RNF157: variants seen among roughly 807,000 people sequenced by gnomAD.
RNF157 encodes ring finger protein 157, also known as E3 ubiquitin ligase RNF157.
RNF157 carries 55 observed loss-of-function variants against 88.3 expected under a neutral mutation model. The ratio of observed to expected loss-of-function variants is 0.62; its 90% CI spans 0.50 to 0.78. The LOEUF (loss-of-function observed/expected upper bound fraction) is 0.78, where lower values mean the gene tolerates loss of function less well. RNF157 is among the 30% of genes least tolerant of loss of function. The pLI, the probability that RNF157 is intolerant of heterozygous loss-of-function variation, is 0.00. For missense variants in RNF157, 788 were observed against 860.8 expected (o/e 0.92, Z 1.06); for synonymous variants, 334 against 341.2 (o/e 0.98, Z 0.23).
intron 18 of RNF157, among the ~76,000 whole-genome samples, chr17:76,145,962 T>C (rs1262054091): frequency 6.6e-6 from 1 of 152,148 alleles, no homozygotes; most frequent in African/African-American, 2.4e-5. Flanking sequence ...TACTAGCTGG[T>C]GCCATCAGCC....
chr17:76,152,993 C>G (rs2068704460), intron 17 of RNF157: 1 of 152,752 alleles, frequency 6.5e-6, no homozygotes, highest in Non-Finnish European at 1.5e-5. Flanking sequence ...TTATGATTTC[C>G]TTCTTTATGA....
chr17:76,161,714 C>G lies in RNF157; in HGVS notation c.953-67G>C, dbSNP rs2068847844. ...GATTAAGAATGAACAAGAGCCCAGA[C>G]AGAAACCATGATCCCTCCCAGCGCG... On this transcript the variant is annotated intron_variant, in intron 10 of 18. Coordinates refer to ENST00000269391, the MANE Select transcript of RNF157 (RefSeq NM_052916.3). This position sits in a 1 kb window ranked among gnomAD's most constrained non-coding sequence, Gnocchi z 4.6. 6.5e-6 allele frequency: 10 copies of G among 1,541,072 alleles called. No individual in the cohort carries two copies. Among genetic ancestry groups the G allele is most frequent in the Admixed American group, 1.8e-5 (1 of 56,302 alleles).
intron 1 of RNF157, among the ~76,000 whole-genome samples, chr17:76,236,447 A>G (rs2070283777): frequency 6.6e-6 from 1 of 152,176 alleles, no homozygotes; most frequent in Admixed American, 6.5e-5. Flanking sequence ...TAAACAAATG[A>G]TCTTGGGCTT....
At chr17:76,204,853 C>T (rs1180007060) in intron 2 of RNF157, among the ~76,000 whole-genome samples, 2 of 150,648 alleles carry the variant, frequency 1.3e-5, no homozygotes, top group African/African-American at 2.4e-5. Flanking sequence ...GGTGCGATCT[C>T]GGCTCACTGA....
At chr17:76,210,601 A>AAAAAAAAG (rs777083177) in intron 2 of RNF157, among the ~76,000 whole-genome samples, 19 of 148,506 alleles carry the variant, frequency 1.3e-4, no homozygotes, top group South Asian at 2.1e-4. Flanking sequence ...AAAAAAAAAA[A>AAAAAAAAG]AAAGAAAGAA....
At chr17:76,172,120 G>C (rs1274064603) in intron 3 of RNF157, among the ~76,000 whole-genome samples, 2 of 152,220 alleles carry the variant, frequency 1.3e-5, no homozygotes, top group Non-Finnish European at 2.9e-5. Context: ...CTGGGGTGGA[G>C]AGAAGCATAG....
chr17:76,147,229 G>A, intron 18 of RNF157: 2 of 984,596 alleles, frequency 2.0e-6, no homozygotes, highest in South Asian at 4.7e-5. Context: ...AAAATAAAAT[G>A]AGCTGTTTGT....
intron 1 of RNF157, among the ~76,000 whole-genome samples, chr17:76,237,731 T>C (rs1321439369): frequency 2.6e-5 from 4 of 152,164 alleles, no homozygotes; most frequent in Non-Finnish European, 4.4e-5. Context: ...GGCGGGAGGA[T>C]TGCTTGAGAC....
intron 2 of RNF157, among the ~76,000 whole-genome samples, chr17:76,177,509 G>A (rs931194887): frequency 3.3e-5 from 5 of 151,930 alleles, no homozygotes; most frequent in African/African-American, 1.2e-4. Flanking sequence ...GGGCACTGAT[G>A]AGCATGAGGG....
At chr17:76,164,882 G>C (rs1428231782) in intron 7 of RNF157, 87 bp from the exon 8 acceptor site, 1 of 912,692 alleles carries the variant, frequency 1.1e-6, no homozygotes, top group Admixed American at 2.1e-5. Context: ...AGTTACAGTC[G>C]CCCTCCCTGA....
At position 76,240,233 on chromosome 17, in the gene RNF157, GC is replaced by G; in HGVS notation, c.7del (p.Ala3ProfsTer2). 2 of 1,334,692 alleles carry G rather than the reference GC, an allele frequency of 1.5e-6. No individual in the cohort carries two copies. The highest frequency in any genetic ancestry group is 9.7e-7 in the Non-Finnish European group (1 of 1,028,260). The allele number at this position is 1,334,692 out of a possible 1,614,324, so 82.7% of individuals were successfully genotyped here. On this transcript the variant is annotated frameshift_variant, in exon 1 of 19. Transcript: ENST00000269391. LOFTEE classifies it high-confidence loss of function. The surrounding 1 kb of genome is among the most constrained non-coding windows in gnomAD (Gnocchi z 4.4). ...GCCCGCGTGCTGCCGGCTCGTCAGG[GC>G]CCCCATGGCCGCTGCGGCTGCAGCC... MG[A>X]LTSRQHAGVE...
At chr17:76,234,812 T>C (rs2070254006) in intron 1 of RNF157, among the ~76,000 whole-genome samples, 1 of 152,244 alleles carries the variant, frequency 6.6e-6, no homozygotes, top group Non-Finnish European at 1.5e-5. Flanking sequence ...CTGAGTTCTC[T>C]CTTTTAACTC....
intron 2 of RNF157, among the ~76,000 whole-genome samples, chr17:76,202,126 T>TCACACACA (rs1174829610): frequency 1.7e-4 from 24 of 137,790 alleles, no homozygotes; most frequent in African/African-American, 6.8e-4. Context: ...TCTCTCTCTC[T>TCACACACA]CTCACACACA....
At chr17:76,203,769 C>CTT (rs778913227) in intron 2 of RNF157, among the ~76,000 whole-genome samples, 6,552 of 104,802 alleles carry the variant, frequency 0.063, 375 homozygotes, top group African/African-American at 0.14. Context: ...AGTTTTGTTG[C>CTT]TTTTTTTTTT....
chr17:76,220,385 TAAAAA>T (rs34888046), intron 1 of RNF157, among the ~76,000 whole-genome samples: 2 of 128,726 alleles, frequency 1.6e-5, no homozygotes, highest in African/African-American at 2.7e-5. Flanking sequence ...TAATGATATC[TAAAAA>T]AAAAAAAAAA....
At chr17:76,174,209 C>T (rs528855469) in intron 2 of RNF157, among the ~76,000 whole-genome samples, 1 of 152,144 alleles carries the variant, frequency 6.6e-6, no homozygotes, top group African/African-American at 2.4e-5. Flanking sequence ...TGAGGCCATG[C>T]GGTATCCCAG....
chr17:76,188,521 C>A (rs1227220066), intron 2 of RNF157, among the ~76,000 whole-genome samples: 1 of 152,168 alleles, frequency 6.6e-6, no homozygotes, highest in Non-Finnish European at 1.5e-5. Context: ...CACAAGCTTT[C>A]TGAGACTAAA....
At chr17:76,177,981 G>A (rs138279435) in intron 2 of RNF157, among the ~76,000 whole-genome samples, 351 of 152,280 alleles carry the variant, frequency 2.3e-3, no homozygotes, top group African/African-American at 7.3e-3. Context: ...TACCCACTGC[G>A]GGTATCCTCT....
intron 2 of RNF157, chr17:76,211,803 C>A (rs12601803): frequency 6.6e-6 from 1 of 152,062 alleles, no homozygotes; most frequent in Admixed American, 6.6e-5. Flanking sequence ...AGAGAAGGTG[C>A]GCAATAGAAA....
Sources: gnomAD v4.1 joint callset for allele counts (sites outside exome capture counted in the v4.1 genomes callset) on GRCh38, gnomAD v4.1.1 for gene constraint, Gnocchi (gnomAD v3.1) non-coding constraint, MANE v1.5 for transcripts, NCBI Gene and HGNC (gene_info 2026-07-23, HGNC 2026-07-21) for gene names.